Variants in AP5M1 observed in about 807,000 individuals in gnomAD.
The protein encoded by AP5M1 is AP-5 complex subunit mu-1.
A neutral mutation model predicts 52.3 loss-of-function variants in AP5M1; 44 were observed. That is an observed-to-expected ratio of 0.84 (90% CI 0.66 to 1.08). The LOEUF is 1.08. AP5M1 is among the 50% of genes least tolerant of loss of function. AP5M1 has a pLI of 0.00. For synonymous variants in AP5M1, 213 were observed against 199.0 expected, an observed-to-expected ratio of 1.07 and a Z score of -0.59; for missense variants, 526 against 568.4, an observed-to-expected ratio of 0.93 and a Z score of 0.76.
Position 57,286,277 on chromosome 14 carries a change from T to A in AP5M1, c.1348T>A (p.Ser450Thr), listed in dbSNP as rs772527972. ...TLTGCYADQH[S>T]VQVFASGKPK... ...TACTGGATGTTATGCAGATCAGCAT[T>A]CAGTTCAAGTTTTTGCATCAGGAAA... The change falls in exon 7 of 8, where the codon TCA (serine) becomes ACA (threonine). Residue 450 changes from serine to threonine, a missense_variant. Physicochemically the swap from Ser to Thr is moderately conservative, Grantham distance 58. Transcript: ENST00000261558. 24 of 1,613,282 alleles carry A rather than the reference T, an allele frequency of 1.5e-5. No homozygotes were observed. Among genetic ancestry groups the A allele is most frequent in the Non-Finnish European group, 2.0e-5 (23 of 1,179,446 alleles).
intron 6 of AP5M1, 138 bp downstream of exon 6, chr14:57,283,368 A>AT (rs1348379144): frequency 1.7e-6 from 1 of 599,966 alleles, no homozygotes; most frequent in African/African-American, 1.9e-5. Context: ...TCTCTTTTGG[A>AT]TTTTTGTTTG....
intron 1 of AP5M1, among the ~76,000 whole-genome samples, chr14:57,270,358 G>T (rs1195238207): frequency 1.3e-5 from 2 of 152,052 alleles, no homozygotes; most frequent in African/African-American, 4.8e-5. Flanking sequence ...TTATTCTCTG[G>T]CCATTGATAG....
At chr14:57,288,739 CTT>C (rs1277200653) in intron 7 of AP5M1, 61 bp from the exon 8 acceptor site, 1 of 995,132 alleles carries the variant, frequency 1.0e-6, no homozygotes. Flanking sequence ...AAAATCATGA[CTT>C]TGCTCTCGTT....
intron 1 of AP5M1, chr14:57,271,448 T>TA (rs1884893914): frequency 6.6e-6 from 1 of 152,256 alleles, no homozygotes; most frequent in Non-Finnish European, 1.5e-5. Flanking sequence ...TTTCTGTATG[T>TA]AGCAATGATT....
In AP5M1 at chr14:57,280,171, A is replaced by G. The variant is rs749095335; in HGVS notation, c.721-24A>G. The G allele has an allele frequency of 2.6e-6, 4 of 1,556,790 alleles. No individual in the cohort carries two copies. The Admixed American group carries it at 6.7e-5, about 26-fold the overall frequency. ...GACATTTGCTTCTGAGATTTTGGTGATAATCTTTCTGTTTGCATTTCAGTG... is the reference window on the plus strand; with the variant it reads ...GACATTTGCTTCTGAGATTTTGGTGGTAATCTTTCTGTTTGCATTTCAGTG... On this transcript the variant is annotated intron_variant, in intron 2 of 7. Transcript: ENST00000261558.
rs1175021158 is a variant in AP5M1 at position 57,294,488 on chromosome 14, T to C, written c.*5604T>C. 6.6e-6 allele frequency: 1 copy of C among 151,944 alleles called. No individual in the cohort carries two copies. The highest frequency in any genetic ancestry group is 1.5e-5 in the Non-Finnish European group (1 of 67,864). The allele number at this position is 151,944 out of a possible 1,614,324, so 9.4% of individuals were successfully genotyped here. A position where few individuals can be genotyped will look rare whatever the true frequency, so the allele number is the denominator to read the frequency against. ...TATCTATTTTAAAACCCTGTGATTT[T>C]TCTCTTTCATACACATAGCCTGCTT... On this transcript the variant is annotated 3_prime_UTR_variant, in exon 8 of 8. Transcript: ENST00000261558.
At chr14:57,287,545 C>G (rs2139697610) in intron 7 of AP5M1, among the ~76,000 whole-genome samples, 1 of 152,168 alleles carries the variant, frequency 6.6e-6, no homozygotes, top group Middle Eastern at 3.4e-3. Context: ...TTTATGTTAA[C>G]TAAACATACT....
Position 57,298,114 on chromosome 14 carries a change from T to C in AP5M1, c.*9230T>C, listed in dbSNP as rs921174557. On this transcript the variant is annotated 3_prime_UTR_variant, in exon 8 of 8. Transcript: ENST00000261558. The stretch of plus-strand genomic sequence containing the variant: ...TTTAAAACATTTGGCACTCGTATCT[T>C]AGAAATGTCCTTCCGAAACTCACTC... 1.3e-5 allele frequency: 2 copies of C among 152,162 alleles called. No individual in the cohort carries two copies. Among genetic ancestry groups the C allele is most frequent in the Non-Finnish European group, 2.9e-5 (2 of 68,034 alleles). 9.4% of individuals were successfully genotyped at this position (152,162 alleles called of 1,614,324 possible). A position where few individuals can be genotyped will look rare whatever the true frequency, so the allele number is the denominator to read the frequency against.
chr14:57,270,507 C>G (rs1208096475), intron 1 of AP5M1, among the ~76,000 whole-genome samples: 1 of 152,058 alleles, frequency 6.6e-6, no homozygotes, highest in Non-Finnish European at 1.5e-5. Flanking sequence ...TGAAAAATTC[C>G]TTCTTTGCAA....
At chr14:57,279,831 A>G (rs577145854) in intron 2 of AP5M1, among the ~76,000 whole-genome samples, 1 of 152,346 alleles carries the variant, frequency 6.6e-6, no homozygotes, top group African/African-American at 2.4e-5. Flanking sequence ...TAGCTCTGGC[A>G]TTAATGGAGG....
chr14:57,271,623 AC>A (rs1289546292), intron 1 of AP5M1, among the ~76,000 whole-genome samples: 22 of 142,588 alleles, frequency 1.5e-4, no homozygotes, highest in East Asian at 7.8e-4. Flanking sequence ...TCTTTAATTT[AC>A]CATTGTCAAT....
At chr14:57,273,716 C>A (rs143749417) in intron 1 of AP5M1, 52 of 701,928 alleles carry the variant, frequency 7.4e-5, no homozygotes, top group Non-Finnish European at 1.3e-4. Context: ...TAGGGATTGG[C>A]AAGAAGACTC....
At chr14:57,277,075 A>C (rs1885056848) in intron 2 of AP5M1, among the ~76,000 whole-genome samples, 1 of 152,116 alleles carries the variant, frequency 6.6e-6, no homozygotes, top group Non-Finnish European at 1.5e-5. Flanking sequence ...TGTCTTTAGA[A>C]AGTTACACAA....
At chr14:57,273,727 A>G (rs1433529625) in intron 1 of AP5M1, 33 of 702,058 alleles carry the variant, frequency 4.7e-5, no homozygotes, top group Non-Finnish European at 8.6e-5. Flanking sequence ...AAGAAGACTC[A>G]GGGTACCTGT....
rs1594707720 is a variant in AP5M1, at chr14:57,286,215, C to T, written c.1294-8C>T. 1.3e-6 allele frequency: 2 copies of T among 1,568,480 alleles called. No individual in the cohort carries two copies. Among genetic ancestry groups the T allele is most frequent in the African/African-American group, 2.7e-5 (2 of 73,938 alleles). On this transcript the variant is annotated splice_polypyrimidine_tract_variant and splice_region_variant and intron_variant, in intron 6 of 7. Transcript: ENST00000261558. Reference sequence around the variant, plus strand: ...CCTTAATTTGGTACATTTCTCTCTTCTTTCTAGCTTCATTTTAGGATCTTA... The same window carrying T: ...CCTTAATTTGGTACATTTCTCTCTTTTTTCTAGCTTCATTTTAGGATCTTA...
At chr14:57,275,377 T>TC (rs1436125536) in intron 2 of AP5M1, 1 of 118,342 alleles carries the variant, frequency 8.5e-6, no homozygotes, top group Non-Finnish European at 1.6e-5. Context: ...CTGGCTTCCC[T>TC]CAGACCAGAT....
rs1255159800 is a variant in AP5M1 at position 57,296,160 on chromosome 14, A to G, written c.*7276A>G. Reference sequence around the variant, plus strand: ...ACTCTTACACTTTAGAAATTGAAATATAGTATTTAACAGGGATTAAAATGT... The same window carrying G: ...ACTCTTACACTTTAGAAATTGAAATGTAGTATTTAACAGGGATTAAAATGT... On this transcript the variant is annotated 3_prime_UTR_variant, in exon 8 of 8. Coordinates refer to ENST00000261558, the MANE Select transcript of AP5M1 (RefSeq NM_018229.4). 6.6e-6 allele frequency: 1 copy of G among 152,078 alleles called. No homozygotes were observed. The allele number at this position is 152,078 out of a possible 1,614,324, so 9.4% of individuals were successfully genotyped here. A position where few individuals can be genotyped will look rare whatever the true frequency, so the allele number is the denominator to read the frequency against.
chr14:57,286,397 G>A lies in AP5M1; in HGVS notation c.1390+78G>A, dbSNP rs1885310136. 5.4e-6 allele frequency: 5 copies of A among 920,778 alleles called. No homozygotes were observed. In the East Asian group the frequency reaches 1.2e-4, roughly 22 times the overall value. 57.0% of individuals were successfully genotyped at this position (920,778 alleles called of 1,614,324 possible). On this transcript the variant is annotated intron_variant, in intron 7 of 7. Transcript: ENST00000261558. ...TTATTACCTAAGGTAAAATTTGAAT[G>A]TAACAGAACTTAGAGATTAGAGAAT...
chr14:57,285,477 G>A (rs774614091), intron 6 of AP5M1, among the ~76,000 whole-genome samples: 3 of 151,584 alleles, frequency 2.0e-5, no homozygotes, highest in African/African-American at 7.3e-5. Flanking sequence ...CCAGCATTAA[G>A]AATTATACCA....
Sources: gnomAD v4.1 joint callset for allele counts (sites outside exome capture counted in the v4.1 genomes callset) on GRCh38, gnomAD v4.1.1 for gene constraint, MANE v1.5 for transcripts, NCBI Gene and HGNC (gene_info 2026-07-23, HGNC 2026-07-21) for gene names.